Variants in ERI3 observed in about 807,000 individuals in gnomAD.
ERI3 encodes the protein ERI1 exoribonuclease 3.
A neutral mutation model predicts 44.4 loss-of-function variants in ERI3; 18 were observed. The ratio of observed to expected loss-of-function variants is 0.41; its 90% CI spans 0.28 to 0.60. The LOEUF is 0.60. Among genes scored for constraint, ERI3 ranks in the 20% least tolerant of loss-of-function variants. The pLI is 0.36. For synonymous variants in ERI3, 183 were observed against 164.8 expected (o/e 1.11, Z -0.84); for missense variants, 294 against 435.5 (o/e 0.68, Z 2.89).
Position 44,258,486 on chromosome 1 carries a change from T to TA in ERI3, c.832-10449dup, listed in dbSNP as rs535514556. ...ATCCCAGATCCCCCTCCCTCTTCATTAGATTGTTCATGTAACACCCATTTA... is the reference window on the plus strand; with the variant it reads ...ATCCCAGATCCCCCTCCCTCTTCATTAAGATTGTTCATGTAACACCCATTTA... On this transcript the variant is annotated intron_variant, in intron 7 of 8. Coordinates refer to ENST00000372257, the MANE Select transcript of ERI3 (RefSeq NM_024066.3). 2.6e-3 allele frequency among the ~76,000 whole-genome samples: 392 copies of TA among 152,240 alleles called. 1 individual carries two copies. The highest frequency in any genetic ancestry group is 9.2e-3 in the African/African-American group (384 of 41,560).
chr1:44,277,605 A>T (rs533494725), intron 7 of ERI3, among the ~76,000 whole-genome samples: 1 of 152,302 alleles, frequency 6.6e-6, no homozygotes, highest in East Asian at 1.9e-4. Flanking sequence ...TCAGGGCTCA[A>T]ATTTTAGTCT....
chr1:44,241,193 T>C lies in ERI3; in HGVS notation c.931+6746A>G, dbSNP rs1327763439. 6.6e-6 allele frequency among the ~76,000 whole-genome samples: 1 copy of C among 152,180 alleles called. No homozygotes were observed. The highest frequency in any genetic ancestry group is 1.5e-5 in the Non-Finnish European group (1 of 68,020). On this transcript the variant is annotated intron_variant, in intron 8 of 8. Transcript: ENST00000372257. The surrounding 1 kb of genome is among the most constrained non-coding windows in gnomAD (Gnocchi z 5.6). Reference sequence around the variant, plus strand: ...GTCTCTCACCTTAAACCAGTGGTAATGACTTGCAAATATTGATGAAAACAC... The same window carrying C: ...GTCTCTCACCTTAAACCAGTGGTAACGACTTGCAAATATTGATGAAAACAC...
At chr1:44,246,325 A>C (rs1644554368) in intron 8 of ERI3, among the ~76,000 whole-genome samples, 1 of 152,106 alleles carries the variant, frequency 6.6e-6, no homozygotes, top group African/African-American at 2.4e-5. Flanking sequence ...GCAAACTCCT[A>C]TTCATCTTTC....
At chr1:44,236,837 TG>T (rs1016031346) in intron 8 of ERI3, among the ~76,000 whole-genome samples, 1 of 152,190 alleles carries the variant, frequency 6.6e-6, no homozygotes, top group Non-Finnish European at 1.5e-5. Context: ...GGAGCCCTCC[TG>T]AACACAGGAT....
intron 6 of ERI3, among the ~76,000 whole-genome samples, chr1:44,296,284 C>A (rs954434615): frequency 6.6e-6 from 1 of 152,134 alleles, no homozygotes; most frequent in Non-Finnish European, 1.5e-5. Context: ...CTGGGTGACC[C>A]CTGAGGTCGC....
chr1:44,317,818 A>G (rs1646122423), intron 4 of ERI3, among the ~76,000 whole-genome samples: 1 of 152,090 alleles, frequency 6.6e-6, no homozygotes, highest in African/African-American at 2.4e-5. Flanking sequence ...GACAGACTGT[A>G]AGAGGGCAAC....
chr1:44,293,060 C>G (rs151047856), intron 6 of ERI3, among the ~76,000 whole-genome samples: 2,098 of 152,358 alleles, frequency 0.014, 47 homozygotes, highest in African/African-American at 0.048. Context: ...TCACCACCAA[C>G]AGCCAGGCTT....
intron 6 of ERI3, among the ~76,000 whole-genome samples, chr1:44,300,362 C>A (rs1036254994): frequency 2.0e-5 from 3 of 152,178 alleles, no homozygotes; most frequent in African/African-American, 7.2e-5. Context: ...CACTGGGGTT[C>A]CACCCTACAG....
In ERI3 at chr1:44,282,013, C is replaced by G. The variant is rs577693801; in HGVS notation, c.831+2822G>C. Among the ~76,000 whole-genome samples, 4 of 151,566 alleles carry G rather than the reference C, an allele frequency of 2.6e-5. No individual in the cohort carries two copies. In the South Asian group the frequency reaches 8.4e-4, roughly 32 times the overall value. ...CCCCAAGTCCTGTCTAAGATGACAG[C>G]TCAATAAGAATATAAGATCATTCAA... On this transcript the variant is annotated intron_variant, in intron 7 of 8. Transcript: ENST00000372257.
At chr1:44,295,289 G>A (rs887322420) in intron 6 of ERI3, among the ~76,000 whole-genome samples, 7 of 152,124 alleles carry the variant, frequency 4.6e-5, no homozygotes, top group African/African-American at 7.2e-5. Context: ...AGAAAAAAAA[G>A]TTTAGTACTA....
At chr1:44,311,370 G>A (rs1645969388) in intron 5 of ERI3, among the ~76,000 whole-genome samples, 2 of 151,944 alleles carry the variant, frequency 1.3e-5, no homozygotes, top group South Asian at 4.2e-4. Context: ...GCCTGCTAAG[G>A]GCCTTGGTTC....
chr1:44,319,870 G>GCCA lies in ERI3; in HGVS notation c.490-129_490-127dup, dbSNP rs1461779064. Reference sequence around the variant, plus strand: ...TAGTGTTTTGGGTTCATTAGCTCCTGCCAGGCCAAACCCAAGATTGAGTGA... The same window carrying GCCA: ...TAGTGTTTTGGGTTCATTAGCTCCTGCCACCAGGCCAAACCCAAGATTGAGTGA... On this transcript the variant is annotated intron_variant, in intron 3 of 8. Transcript: ENST00000372257. The GCCA allele has an allele frequency of 6.2e-5, 44 of 705,960 alleles. No individual in the cohort carries two copies. In the East Asian group the frequency reaches 1.2e-3, roughly 19 times the overall value. 43.7% of individuals were successfully genotyped at this position (705,960 alleles called of 1,614,324 possible).
intron 7 of ERI3, among the ~76,000 whole-genome samples, chr1:44,264,035 A>G (rs1644942259): frequency 6.6e-6 from 1 of 152,180 alleles, no homozygotes; most frequent in Non-Finnish European, 1.5e-5. Flanking sequence ...CTGAGTATTC[A>G]GTTCTAGAGC....
intron 5 of ERI3, 143 bp from the exon 6 acceptor site, chr1:44,308,544 G>C: frequency 1.4e-6 from 1 of 725,808 alleles, no homozygotes; most frequent in Non-Finnish European, 2.4e-6. Context: ...TCCACTGTGG[G>C]CTCTCAGGCT....
At chr1:44,340,125 T>C (rs1347562481) in intron 2 of ERI3, among the ~76,000 whole-genome samples, 1 of 140,372 alleles carries the variant, frequency 7.1e-6, no homozygotes, top group Non-Finnish European at 1.5e-5. Context: ...AAAAGTCTAG[T>C]AAAGTTTTCT....
At chr1:44,337,184 G>GT (rs1646551962) in intron 3 of ERI3, among the ~76,000 whole-genome samples, 1 of 152,096 alleles carries the variant, frequency 6.6e-6, no homozygotes, top group African/African-American at 2.4e-5. Context: ...AACTGAAAAG[G>GT]TAAGAAAATA....
At chr1:44,350,717 CTCTT>C (rs1158514188) in intron 2 of ERI3, among the ~76,000 whole-genome samples, 4 of 152,144 alleles carry the variant, frequency 2.6e-5, no homozygotes, top group Non-Finnish European at 5.9e-5. Flanking sequence ...TTCAGTTATA[CTCTT>C]TTTTTTATTT....
Position 44,355,015 on chromosome 1 carries a change from G to A in ERI3, c.12C>T (p.Ala4=). The part of the protein sequence containing the change: MAT[A]SPAADGGRGR... ...CCCGCCCCCCGTCAGCAGCGGGAGA[G>A]GCTGTCGCCATGGCAACGCCCCCTC... Residue 4 remains alanine, a synonymous_variant, in exon 1 of 9, where the codon GCC becomes GCT. Coordinates refer to ENST00000372257, the MANE Select transcript of ERI3 (RefSeq NM_024066.3). The A allele has an allele frequency of 2.2e-6, 3 of 1,391,492 alleles. No individual in the cohort carries two copies. Among genetic ancestry groups the A allele is most frequent in the East Asian group, 2.8e-5 (1 of 36,042 alleles). The allele number at this position is 1,391,492 out of a possible 1,614,324, so 86.2% of individuals were successfully genotyped here.
At chr1:44,352,739 G>A in intron 2 of ERI3, 111 bp downstream of exon 2, 4 of 1,137,974 alleles carry the variant, frequency 3.5e-6, no homozygotes, top group Non-Finnish European at 5.1e-6. Flanking sequence ...TAGACTTTGG[G>A]GATACATGGG....
Sources: gnomAD v4.1 joint callset for allele counts (sites outside exome capture counted in the v4.1 genomes callset) on GRCh38, gnomAD v4.1.1 for gene constraint, Gnocchi (gnomAD v3.1) non-coding constraint, MANE v1.5 for transcripts, NCBI Gene and HGNC (gene_info 2026-07-23, HGNC 2026-07-21) for gene names.